The following PRX variants were observed in gnomAD, a reference collection of about 807,000 sequenced individuals.
PRX encodes the protein periaxin.
A neutral mutation model predicts 29.6 loss-of-function variants in PRX; 24 were observed. The ratio of observed to expected loss-of-function variants is 0.81; its 90% CI spans 0.59 to 1.14. The LOEUF is 1.14. Ranked by LOEUF, PRX falls within the 50% of genes most tolerant of loss-of-function variation. PRX has a pLI of 0.00. For synonymous variants in PRX, 772 were observed against 831.7 expected, an observed-to-expected ratio of 0.93 and a Z score of 1.24; for missense variants, 1,838 against 1,926.4, an observed-to-expected ratio of 0.95 and a Z score of 0.86.
At chr19:40,403,156 G>C (rs1320263548) in intron 5 of PRX, among the ~76,000 whole-genome samples, 1 of 152,196 alleles carries the variant, frequency 6.6e-6, no homozygotes, top group Non-Finnish European at 1.5e-5. Context: ...GGCAACAAGA[G>C]AGAAACTCCG....
intron 5 of PRX, among the ~76,000 whole-genome samples, chr19:40,401,371 C>A (rs984915207): frequency 1.3e-5 from 2 of 152,154 alleles, no homozygotes; most frequent in African/African-American, 4.8e-5. Flanking sequence ...TGGCTCATTG[C>A]AGCTTCAGTC....
At position 40,395,652 on chromosome 19, in the gene PRX, A is replaced by G; in HGVS notation, c.2700T>C (p.Ser900=). 6.2e-7 allele frequency: 1 copy of G among 1,614,156 alleles called. No homozygotes were observed. The highest frequency in any genetic ancestry group is 8.5e-7 in the Non-Finnish European group (1 of 1,180,016). The part of the protein sequence containing the change: ...GVREVGFRVP[S]VEIVTPQLPA... Reference sequence around the variant, plus strand: ...GCAGCTGTGGGGTGACAATTTCAACAGAGGGCACTCGGAAGCCCACTTCCC... The same window carrying G: ...GCAGCTGTGGGGTGACAATTTCAACGGAGGGCACTCGGAAGCCCACTTCCC... Residue 900 remains serine (S), a synonymous_variant, in exon 7 of 7, where the codon TCT becomes TCC. Transcript: ENST00000324001.
Position 40,398,061 on chromosome 19 carries a change from G to T in PRX, c.382-91C>A. The T allele has an allele frequency of 6.7e-7, 1 of 1,486,520 alleles. No homozygotes were observed. Among genetic ancestry groups the T allele is most frequent in the South Asian group, 1.4e-5 (1 of 73,420 alleles). 92.1% of individuals were successfully genotyped at this position (1,486,520 alleles called of 1,614,324 possible). On this transcript the variant is annotated intron_variant, in intron 6 of 6. Coordinates refer to ENST00000324001, the MANE Select transcript of PRX (RefSeq NM_181882.3). The surrounding 1 kb of genome is among the most constrained non-coding windows in gnomAD (Gnocchi z 6.3). ...CCCCACCTGGTATTGGACCAGGCGGGGGATGTGCTGGGTCAAGTATCTTGT... is the reference window on the plus strand; with the variant it reads ...CCCCACCTGGTATTGGACCAGGCGGTGGATGTGCTGGGTCAAGTATCTTGT...
chr19:40,411,197 G>A (rs1322138982), intron 1 of PRX, among the ~76,000 whole-genome samples: 1 of 152,196 alleles, frequency 6.6e-6, no homozygotes, highest in African/African-American at 2.4e-5. Flanking sequence ...GCGCACTGGG[G>A]CAGGAGCTGG....
intron 1 of PRX, among the ~76,000 whole-genome samples, chr19:40,409,238 A>G (rs1229695491): frequency 1.3e-5 from 2 of 152,016 alleles, no homozygotes; most frequent in Admixed American, 6.6e-5. Context: ...GGCTCATGCT[A>G]TCCTCCTGCC....
chr19:40,405,133 G>C (rs886829170), intron 4 of PRX, among the ~76,000 whole-genome samples: 1 of 152,132 alleles, frequency 6.6e-6, no homozygotes, highest in Non-Finnish European at 1.5e-5. Context: ...GGGGGTCTGC[G>C]TGGGTAATGA....
chr19:40,405,245 G>A lies in PRX; in HGVS notation c.28-1383C>T, dbSNP rs182821362. On this transcript the variant is annotated intron_variant, in intron 4 of 6. Coordinates refer to ENST00000324001, the MANE Select transcript of PRX (RefSeq NM_181882.3). Reference sequence around the variant, plus strand: ...GGATTCACAATAGGGCTTCCCAGAAGAGGCAGTGACAAACCTGGATCCTGT... The same window carrying A: ...GGATTCACAATAGGGCTTCCCAGAAAAGGCAGTGACAAACCTGGATCCTGT... Among the ~76,000 whole-genome samples the A allele has an allele frequency of 4.4e-3, 671 of 152,298 alleles. 1 individual carries two copies. The highest frequency in any genetic ancestry group is 7.2e-3 in the Non-Finnish European group (491 of 68,032).
Position 40,394,623 on chromosome 19 carries a change from C to T in PRX, c.3729G>A (p.Leu1243=). The change falls in exon 7 of 7, where the codon CTG becomes CTA. Residue 1243 remains leucine (L), a synonymous_variant. Transcript: ENST00000324001. This position sits in a 1 kb window ranked among gnomAD's most constrained non-coding sequence, Gnocchi z 5.8. ...CCCCCAGTGTGGGCAACTTCAGCCT[C>T]AGCCCACCCTCGCCTGTGGCCGCCT... is the stretch of plus-strand genomic sequence containing the variant. ...AGEAATGEGG[L]RLKLPTLGAR... is the part of the protein sequence containing the mutation. The T allele has an allele frequency of 6.2e-7, 1 of 1,607,708 alleles. No individual in the cohort carries two copies. Among genetic ancestry groups the T allele is most frequent in the Non-Finnish European group, 8.5e-7 (1 of 1,179,480 alleles).
intron 4 of PRX, among the ~76,000 whole-genome samples, chr19:40,406,457 A>G (rs2079530991): frequency 6.6e-6 from 1 of 151,994 alleles, no homozygotes; most frequent in African/African-American, 2.4e-5. Context: ...AGGTAAAGTG[A>G]CTTGCCTAAT....
intron 4 of PRX, among the ~76,000 whole-genome samples, chr19:40,406,771 CTTTTTTT>C (rs59493934): frequency 8.2e-6 from 1 of 121,366 alleles, no homozygotes; most frequent in Non-Finnish European, 1.7e-5. Context: ...ACCTCCATTT[CTTTTTTT>C]TTTTTTTTTT....
intron 4 of PRX, among the ~76,000 whole-genome samples, chr19:40,405,900 G>T (rs1310930814): frequency 6.6e-5 from 10 of 151,222 alleles, no homozygotes; most frequent in Admixed American, 5.3e-4. Context: ...GCTTCCCAGA[G>T]TGCTGAGATG....
intron 1 of PRX, among the ~76,000 whole-genome samples, chr19:40,409,525 T>C (rs1034332985): frequency 6.6e-6 from 1 of 150,584 alleles, no homozygotes; most frequent in East Asian, 2.0e-4. Context: ...CAAGCTGGAG[T>C]GAAGTGGTGC....
In PRX at chr19:40,393,860, T is replaced by C; in HGVS notation, c.*106A>G. On this transcript the variant is annotated 3_prime_UTR_variant, in exon 7 of 7. Coordinates refer to ENST00000324001, the MANE Select transcript of PRX (RefSeq NM_181882.3). The stretch of plus-strand genomic sequence containing the variant: ...AGGCCTCCCTGCCAGCCCTGGTCAG[T>C]CACCCACCTCCCGGCCCTCTTAGGG... 2 of 1,560,970 alleles carry C rather than the reference T, an allele frequency of 1.3e-6. No homozygotes were observed. Among genetic ancestry groups the C allele is most frequent in the Non-Finnish European group, 1.7e-6 (2 of 1,149,952 alleles).
In PRX at chr19:40,395,747, C is replaced by T. The variant is rs1555800819; in HGVS notation, c.2605G>A (p.Gly869Arg). The change falls in exon 7 of 7, where the codon GGG becomes AGG. Residue 869 changes from glycine (G) to arginine (R), a missense_variant. Transcript: ENST00000324001. ...CCCATTTTAGCGGCTGGGACCTGCC[C>T]CTGCAGGCCAAGTGCTCCTGGCAGG... ...LDLPGALGLQ[G>R]QVPAAKMGKG... 1.9e-6 allele frequency: 3 copies of T among 1,614,026 alleles called. No individual in the cohort carries two copies. In the Admixed American group the frequency reaches 5.0e-5, roughly 27 times the overall value.
Position 40,394,899 on chromosome 19 carries a change from G to A in PRX, c.3453C>T (p.Ser1151=), listed in dbSNP as rs201535844. ...AGCCGGTCAGCTCCACCTGTGGCAG[G>A]GAGATGCCCAGCGGAGGCATCCTCA... ...AGLRMPPLGI[S]LPQVELTGFG... The change falls in exon 7 of 7, where the codon TCC becomes TCT. Residue 1151 remains serine, a synonymous_variant. Transcript: ENST00000324001. This position sits in a 1 kb window ranked among gnomAD's most constrained non-coding sequence, Gnocchi z 5.8. 3.7e-6 allele frequency: 6 copies of A among 1,611,016 alleles called. No homozygotes were observed. In the Admixed American group the frequency reaches 8.3e-5, roughly 22 times the overall value.
chr19:40,393,914 C>T lies in PRX; in HGVS notation c.*52G>A, dbSNP rs531525946. 7 of 1,600,924 alleles carry T rather than the reference C, an allele frequency of 4.4e-6. No individual in the cohort carries two copies. The highest frequency in any genetic ancestry group is 2.7e-5 in the African/African-American group (2 of 74,974). ...GTGCTAGTTATCACACACACAACAG[C>T]GAGGGGGTAGAGAAAGGAAGGCAAG... On this transcript the variant is annotated 3_prime_UTR_variant, in exon 7 of 7. Transcript: ENST00000324001.
At chr19:40,408,547 T>C (rs973097482) in intron 1 of PRX, among the ~76,000 whole-genome samples, 164 bp from the exon 2 acceptor site, 2 of 152,014 alleles carry the variant, frequency 1.3e-5, no homozygotes, top group African/African-American at 4.8e-5. Context: ...CAACACACGG[T>C]AAAGCCAAAA....
In PRX at chr19:40,403,879, G is replaced by A. The variant is rs749515551; in HGVS notation, c.28-17C>T. ...CCTCAGCTCCTGCAGAGGGCGGCGA[G>A]GTGTCGCGTTGGGGCTCTAGGGCCG... On this transcript the variant is annotated splice_polypyrimidine_tract_variant and intron_variant, in intron 4 of 6. Coordinates refer to ENST00000324001, the MANE Select transcript of PRX (RefSeq NM_181882.3). 5 of 1,605,088 alleles carry A rather than the reference G, an allele frequency of 3.1e-6. No homozygotes were observed. Among genetic ancestry groups the A allele is most frequent in the Middle Eastern group, 1.7e-4 (1 of 6,056 alleles).
chr19:40,398,906 G>A lies in PRX; in HGVS notation c.185-90C>T. 6 of 1,585,394 alleles carry A rather than the reference G, an allele frequency of 3.8e-6. No individual in the cohort carries two copies. The highest frequency in any genetic ancestry group is 2.1e-4 in the Middle Eastern group (1 of 4,834). ...CCCACTTGCACGGAGCCCTCGCGGTGAGGACCCGCCCCAAATTTTAGTTTC... is the reference window on the plus strand; with the variant it reads ...CCCACTTGCACGGAGCCCTCGCGGTAAGGACCCGCCCCAAATTTTAGTTTC... On this transcript the variant is annotated intron_variant, in intron 5 of 6. Transcript: ENST00000324001. The surrounding 1 kb of genome is among the most constrained non-coding windows in gnomAD (Gnocchi z 6.3).
Sources: allele counts gnomAD v4.1 joint callset (sites outside exome capture counted in the v4.1 genomes callset), GRCh38; gene constraint gnomAD v4.1.1; non-coding constraint Gnocchi (gnomAD v3.1); transcripts MANE v1.5; gene names NCBI Gene and HGNC (gene_info 2026-07-23, HGNC 2026-07-21).